The following NLRC5 variants were observed in gnomAD, a reference collection of about 807,000 sequenced individuals.
NLRC5 encodes protein NLRC5.
A neutral mutation model predicts 206.9 loss-of-function variants in NLRC5; 114 were observed. The ratio of observed to expected loss-of-function variants is 0.55; its 90% CI spans 0.47 to 0.64. NLRC5 has a LOEUF of 0.64. NLRC5 is among the 30% of genes least tolerant of loss of function. The probability of loss-of-function intolerance (pLI) is 0.00; values close to 1 mark genes in which losing one functional copy is unlikely to be tolerated. For missense variants in NLRC5, 2,008 were observed against 2,305.5 expected (o/e 0.87, Z 2.64); for synonymous variants, 952 against 962.8 (o/e 0.99, Z 0.21).
rs74023657 is a variant in NLRC5, at chr16:57,074,493, G to T, written c.4668-107G>T. 8,871 of 868,284 alleles carry T rather than the reference G, an allele frequency of 0.01. 497 individuals are homozygous for T. In the African/African-American group the frequency reaches 0.12, roughly 12 times the overall value. The allele number at this position is 868,284 out of a possible 1,614,324, so 53.8% of individuals were successfully genotyped here. ...TTTTTACACTGTGTGGATATAAGTG[G>T]CTGTCTTGGAGGTCCCTAGGCTTGC... On this transcript the variant is annotated intron_variant, in intron 38 of 48. Coordinates refer to ENST00000688547, the MANE Select transcript of NLRC5 (RefSeq NM_001384950.1).
In NLRC5 at chr16:57,042,049, G is replaced by T; in HGVS notation, c.3097G>T (p.Ala1033Ser). 1.3e-6 allele frequency: 2 copies of T among 1,565,266 alleles called. No individual in the cohort carries two copies. The highest frequency in any genetic ancestry group is 1.7e-6 in the Non-Finnish European group (2 of 1,159,446). ...RLAQLLPGLG[A>S]LQSLNLSENG... ...GGCTCAGCTGCTCCCAGGGCTGGGA[G>T]CTCTGCAGTCCTTGAAGTGAGTAGC... is the stretch of plus-strand genomic sequence containing the variant. Residue 1033 changes from alanine (A) to serine (S), a missense_variant, in exon 19 of 49, where the codon GCT (alanine) becomes TCT (serine). Physicochemically the swap from Ala to Ser is moderately conservative, Grantham distance 99. Coordinates refer to ENST00000688547, the MANE Select transcript of NLRC5 (RefSeq NM_001384950.1).
chr16:57,023,224 T>G (rs1234943464), intron 4 of NLRC5, among the ~76,000 whole-genome samples: 2 of 152,194 alleles, frequency 1.3e-5, no homozygotes, highest in East Asian at 1.9e-4. Context: ...GTCCCCTTCC[T>G]TCTTGTTTTC....
At chr16:57,066,053 C>G (rs1448858481) in intron 33 of NLRC5, among the ~76,000 whole-genome samples, 2 of 152,174 alleles carry the variant, frequency 1.3e-5, no homozygotes, top group Non-Finnish European at 2.9e-5. Flanking sequence ...TCCTTGTGCC[C>G]CTCCCTCAGA....
In NLRC5 at chr16:57,026,684, G is replaced by C. The variant is rs779796243; in HGVS notation, c.1741G>C (p.Ala581Pro). The C allele has an allele frequency of 6.2e-7, 1 of 1,614,048 alleles. No homozygotes were observed. Among genetic ancestry groups the C allele is most frequent in the Non-Finnish European group, 8.5e-7 (1 of 1,179,958 alleles). ...CTCRPFLSHL[A>P]QGNEDCVGAK... ...CTGCCGCCCCTTCCTTAGCCACCTG[G>C]CGCAGGGCAATGAGGACTGTGTGGG... is the stretch of plus-strand genomic sequence containing the variant. Residue 581 changes from alanine (A) to proline (P), a missense_variant, in exon 6 of 49, where the codon GCG becomes CCG. By Grantham distance (27) the Ala-to-Pro change is conservative. Coordinates refer to ENST00000688547, the MANE Select transcript of NLRC5 (RefSeq NM_001384950.1).
At chr16:56,997,057 A>T (rs570650399) in intron 1 of NLRC5, among the ~76,000 whole-genome samples, 1 of 152,264 alleles carries the variant, frequency 6.6e-6, no homozygotes, top group East Asian at 1.9e-4. Context: ...TTTTTTGTAA[A>T]GACAGATTTT....
At chr16:56,990,083 A>G (rs552223364) in intron 1 of NLRC5, among the ~76,000 whole-genome samples, 7 of 152,198 alleles carry the variant, frequency 4.6e-5, no homozygotes, top group South Asian at 2.1e-4. Context: ...CCAAACATAT[A>G]CAATAGTAGA....
At chr16:57,080,336 A>AAACC (rs1259484844) in intron 46 of NLRC5, among the ~76,000 whole-genome samples, 2 of 152,174 alleles carry the variant, frequency 1.3e-5, no homozygotes, top group East Asian at 3.8e-4. Context: ...AAAGGGTTAA[A>AAACC]AACCCAACAT....
In NLRC5 at chr16:57,070,590, G is replaced by C; in HGVS notation, c.4639G>C (p.Glu1547Gln). 1.2e-6 allele frequency: 2 copies of C among 1,614,166 alleles called. No homozygotes were observed. Among genetic ancestry groups the C allele is most frequent in the Admixed American group, 1.7e-5 (1 of 60,034 alleles). Residue 1547 changes from glutamate (E) to glutamine (Q), a missense_variant, in exon 38 of 49, where the codon GAG (glutamate) becomes CAG (glutamine). By Grantham distance (29) the Glu-to-Gln change is conservative. Transcript: ENST00000688547. The stretch of plus-strand genomic sequence containing the variant: ...CACCAAGGCGCTGATGAGGGCCCTT[G>C]AGGGGAAATGGATGCTAAAGAGGCT... The part of the protein sequence containing the change: ...EGTKALMRAL[E>Q]GKWMLKRLDL...
intron 10 of NLRC5, 105 bp from the exon 11 acceptor site, chr16:57,031,299 T>A: frequency 8.1e-7 from 1 of 1,239,420 alleles, no homozygotes. Flanking sequence ...AAAATCAGCT[T>A]TATCTGGATG....
chr16:57,040,825 C>A lies in NLRC5; in HGVS notation c.2939+107C>A. 3 of 1,056,922 alleles carry A rather than the reference C, an allele frequency of 2.8e-6. No individual in the cohort carries two copies. In the South Asian group the frequency reaches 4.1e-5, roughly 14 times the overall value. 65.5% of individuals were successfully genotyped at this position (1,056,922 alleles called of 1,614,324 possible). ...CAGGCCCCACATGCTCCCTGAAGGA[C>A]ACCTGACCTGCTGTGTCCAGGGGTC... On this transcript the variant is annotated intron_variant, in intron 17 of 48. Transcript: ENST00000688547.
intron 30 of NLRC5, 56 bp downstream of exon 30, chr16:57,059,588 T>G (rs2066147962): frequency 2.0e-6 from 3 of 1,476,288 alleles, no homozygotes; most frequent in Non-Finnish European, 1.8e-6. Flanking sequence ...AGGCTGACCC[T>G]ATGGCGGCCT....
intron 1 of NLRC5, among the ~76,000 whole-genome samples, chr16:57,003,142 C>T (rs963558986): frequency 2.6e-5 from 4 of 152,158 alleles, no homozygotes; most frequent in African/African-American, 9.7e-5. Context: ...TCACTGCCGC[C>T]TCCGTCTCTT....
intron 4 of NLRC5, among the ~76,000 whole-genome samples, chr16:57,023,358 T>G (rs939961892): frequency 1.3e-5 from 2 of 152,152 alleles, no homozygotes; most frequent in Non-Finnish European, 2.9e-5. Context: ...GAAATCGGGA[T>G]GATAAAACCC....
In NLRC5 at chr16:57,051,663, G is replaced by T. The variant is rs542646208; in HGVS notation, c.3506+42G>T. On this transcript the variant is annotated intron_variant, in intron 24 of 48. Coordinates refer to ENST00000688547, the MANE Select transcript of NLRC5 (RefSeq NM_001384950.1). ...TCCTATTTCCCGGTTCCTTGTGCTCGTGTTTCTAAGGCTCCTCCATGGCAA... is the reference window on the plus strand; with the variant it reads ...TCCTATTTCCCGGTTCCTTGTGCTCTTGTTTCTAAGGCTCCTCCATGGCAA... 10 of 1,509,238 alleles carry T rather than the reference G, an allele frequency of 6.6e-6. No individual in the cohort carries two copies. The East Asian group carries it at 2.3e-4, about 34-fold the overall frequency. The allele number at this position is 1,509,238 out of a possible 1,614,324, so 93.5% of individuals were successfully genotyped here.
At chr16:57,069,960 C>A in intron 37 of NLRC5, 41 bp downstream of exon 37, 1 of 1,513,812 alleles carries the variant, frequency 6.6e-7, no homozygotes, top group African/African-American at 1.4e-5. Flanking sequence ...AGTGGCCCAG[C>A]TGAGGGTGAG....
chr16:57,030,408 A>ATGGG (rs1567563823), intron 10 of NLRC5, among the ~76,000 whole-genome samples: 1 of 121,494 alleles, frequency 8.2e-6, no homozygotes, highest in African/African-American at 2.9e-5. Flanking sequence ...GGATGGATGG[A>ATGGG]TGGCTGAAAA....
chr16:57,027,128 C>G, intron 6 of NLRC5, 110 bp downstream of exon 6: 1 of 1,311,188 alleles, frequency 7.6e-7, no homozygotes, highest in Non-Finnish European at 1.0e-6. Context: ...TCTTGAATAT[C>G]AGAACATAAT....
At position 57,083,260 on chromosome 16, in the gene NLRC5, G is replaced by A. The variant is rs184641007; in HGVS notation, c.*732G>A. 1.3e-5 allele frequency: 2 copies of A among 152,448 alleles called. No individual in the cohort carries two copies. Among genetic ancestry groups the A allele is most frequent in the Admixed American group, 1.3e-4 (2 of 15,300 alleles). The allele number at this position is 152,448 out of a possible 1,614,324, so 9.4% of individuals were successfully genotyped here. A position where few individuals can be genotyped will look rare whatever the true frequency, so the allele number is the denominator to read the frequency against. ...ACATACTAGCTTCCAAGGACAGGTG[G>A]AGGTAGGGCCAGCCTGGCGGGAGTG... On this transcript the variant is annotated 3_prime_UTR_variant, in exon 49 of 49. Transcript: ENST00000688547.
chr16:57,022,416 G>A (rs1460014356), intron 4 of NLRC5, 101 bp downstream of exon 4: 3 of 1,031,484 alleles, frequency 2.9e-6, no homozygotes, highest in Non-Finnish European at 3.0e-6. Flanking sequence ...GCTGGTCACA[G>A]CCATTTCTCA....
Sources: allele counts gnomAD v4.1 joint callset (sites outside exome capture counted in the v4.1 genomes callset), GRCh38; gene constraint gnomAD v4.1.1; transcripts MANE v1.5; gene names NCBI Gene and HGNC (gene_info 2026-07-23, HGNC 2026-07-21).